MYO5B: variants seen among roughly 807,000 people sequenced by gnomAD.
MYO5B encodes unconventional myosin-Vb.
In MYO5B, 143 loss-of-function variants were observed where a neutral mutation model predicts 229.3. That is an observed-to-expected ratio of 0.62 (90% confidence interval 0.54 to 0.72). MYO5B has a LOEUF of 0.72. Ranked by LOEUF, MYO5B falls within the 30% of genes least tolerant of loss-of-function variation. MYO5B has a pLI of 0.00. For missense variants in MYO5B, 2,321 were observed against 2,331.0 expected, an observed-to-expected ratio of 1.00 and a Z score of 0.09; for synonymous variants, 918 against 885.2, an observed-to-expected ratio of 1.04 and a Z score of -0.66.
At chr18:50,093,437 G>A (rs2144491662) in intron 1 of MYO5B, among the ~76,000 whole-genome samples, 1 of 152,230 alleles carries the variant, frequency 6.6e-6, no homozygotes, top group African/African-American at 2.4e-5. Context: ...TGTTACAAGG[G>A]CAAAAATTGA....
At chr18:50,014,835 GC>G (rs771171278) in intron 4 of MYO5B, among the ~76,000 whole-genome samples, 2 of 152,200 alleles carry the variant, frequency 1.3e-5, no homozygotes, top group Non-Finnish European at 2.9e-5. Context: ...CAGCTCCCTT[GC>G]GTAAAATGTT....
intron 1 of MYO5B, among the ~76,000 whole-genome samples, chr18:50,116,931 T>C (rs768365636): frequency 3.3e-5 from 5 of 151,836 alleles, no homozygotes; most frequent in Non-Finnish European, 7.4e-5. Flanking sequence ...GCTATGAAGG[T>C]ATTTCCTACA....
chr18:50,049,883 G>A (rs2030345570), intron 2 of MYO5B, among the ~76,000 whole-genome samples: 2 of 152,210 alleles, frequency 1.3e-5, no homozygotes, highest in South Asian at 4.1e-4. Flanking sequence ...GCTGCAGACA[G>A]ACGGTGGTGA....
At chr18:50,172,240 C>G (rs1183931431) in intron 1 of MYO5B, among the ~76,000 whole-genome samples, 1 of 144,252 alleles carries the variant, frequency 6.9e-6, no homozygotes, top group East Asian at 2.0e-4. Flanking sequence ...ATGATCACGC[C>G]ATTGCACTCC....
intron 26 of MYO5B, among the ~76,000 whole-genome samples, chr18:49,874,207 A>G (rs2024490181): frequency 6.6e-6 from 1 of 152,212 alleles, no homozygotes; most frequent in Non-Finnish European, 1.5e-5. Context: ...AGTTCTAACT[A>G]TTGTTCAGTG....
chr18:50,173,604 G>T (rs928088282), intron 1 of MYO5B, among the ~76,000 whole-genome samples: 4 of 152,128 alleles, frequency 2.6e-5, no homozygotes. Context: ...GCAGTGAGGG[G>T]GCAAGAAGAG....
intron 17 of MYO5B, 79 bp from the exon 18 acceptor site, chr18:49,912,252 T>C: frequency 9.7e-7 from 1 of 1,030,768 alleles, no homozygotes; most frequent in South Asian, 1.3e-5. Context: ...CCTCAGACAG[T>C]TCCCTATGGG....
intron 12 of MYO5B, among the ~76,000 whole-genome samples, chr18:49,960,300 A>C (rs1015965620): frequency 2.0e-5 from 3 of 152,296 alleles, no homozygotes; most frequent in South Asian, 4.2e-4. Flanking sequence ...CTCACCCTGC[A>C]AAGTATCTGA....
chr18:49,895,781 C>A (rs889950781), intron 21 of MYO5B, among the ~76,000 whole-genome samples: 3 of 152,190 alleles, frequency 2.0e-5, no homozygotes, highest in African/African-American at 7.2e-5. Context: ...CATGCTCCTG[C>A]AGATGGGATA....
At chr18:49,940,841 A>G (rs1246894604) in intron 14 of MYO5B, among the ~76,000 whole-genome samples, 1 of 152,228 alleles carries the variant, frequency 6.6e-6, no homozygotes, top group Non-Finnish European at 1.5e-5. Context: ...GTACAAGGTT[A>G]CAATGCCTAA....
chr18:49,954,225 G>C lies in MYO5B; in HGVS notation c.1668+88C>G, dbSNP rs1325372804. The C allele has an allele frequency of 3.2e-6, 5 of 1,574,768 alleles. No homozygotes were observed. The East Asian group carries it at 1.1e-4, about 35-fold the overall frequency. On this transcript the variant is annotated intron_variant, in intron 13 of 39. Coordinates refer to ENST00000285039, the MANE Select transcript of MYO5B (RefSeq NM_001080467.3). Reference sequence around the variant, plus strand: ...GCTTCAGGCCATTTGAATTCAGAAGGGACAGATTTCTCTCTAGGTCTAGAG... The same window carrying C: ...GCTTCAGGCCATTTGAATTCAGAAGCGACAGATTTCTCTCTAGGTCTAGAG...
intron 12 of MYO5B, 128 bp downstream of exon 12, chr18:49,962,138 C>T: frequency 8.1e-7 from 1 of 1,230,778 alleles, no homozygotes; most frequent in Non-Finnish European, 1.2e-6. Context: ...ATGCAGCCTG[C>T]CAACGCTTCT....
In MYO5B at chr18:50,171,110, A is replaced by G. The variant is rs563799893; in HGVS notation, c.27+23657T>C. On this transcript the variant is annotated intron_variant, in intron 1 of 39. Transcript: ENST00000285039. ...GGATACTTGGCCGCCAGTCTCATGC[A>G]GCCCTGTTCCTCAAATCTGGAAGTC... Among the ~76,000 whole-genome samples, 48 of 128,076 alleles carry G rather than the reference A, an allele frequency of 3.7e-4. 14 individuals are homozygous for G. The highest frequency in any genetic ancestry group is 1.3e-3 in the African/African-American group (44 of 33,938). The allele number at this position is 128,076 out of a possible 152,430, so 84.0% of individuals were successfully genotyped here.
At chr18:49,861,001 C>A (rs534726302) in intron 29 of MYO5B, among the ~76,000 whole-genome samples, 1 of 152,192 alleles carries the variant, frequency 6.6e-6, no homozygotes, top group South Asian at 2.1e-4. Flanking sequence ...TTGCAGCAAT[C>A]ATGAACACTT....
chr18:50,186,570 T>C (rs1258633583), intron 1 of MYO5B, among the ~76,000 whole-genome samples: 7 of 152,100 alleles, frequency 4.6e-5, no homozygotes, highest in Non-Finnish European at 8.8e-5. Context: ...CCAAGTCTCC[T>C]TGTGATCAAG....
intron 1 of MYO5B, chr18:50,098,862 C>T: frequency 6.5e-6 from 1 of 153,840 alleles, no homozygotes; most frequent in Non-Finnish European, 1.5e-5. Context: ...AGTCCAGCTC[C>T]TGTAATCCCA....
intron 4 of MYO5B, among the ~76,000 whole-genome samples, chr18:50,027,665 A>G (rs2026345716): frequency 6.6e-6 from 1 of 152,202 alleles, no homozygotes; most frequent in Non-Finnish European, 1.5e-5. Flanking sequence ...TTAAGTGACT[A>G]GTACCTGGAG....
At chr18:50,141,850 A>G (rs1478263667) in intron 1 of MYO5B, among the ~76,000 whole-genome samples, 1 of 152,350 alleles carries the variant, frequency 6.6e-6, no homozygotes, top group East Asian at 1.9e-4. Flanking sequence ...AGCCCTGCCC[A>G]GTCCCATTCC....
At chr18:50,138,197 G>A (rs1017869635) in intron 1 of MYO5B, among the ~76,000 whole-genome samples, 1 of 151,990 alleles carries the variant, frequency 6.6e-6, no homozygotes, top group Admixed American at 6.6e-5. Flanking sequence ...CATATACCCC[G>A]AACCTAAAAT....
Sources: gnomAD v4.1 joint callset for allele counts (sites outside exome capture counted in the v4.1 genomes callset) on GRCh38, gnomAD v4.1.1 for gene constraint, MANE v1.5 for transcripts, NCBI Gene and HGNC (gene_info 2026-07-23, HGNC 2026-07-21) for gene names.